The following RASA2 variants were observed in gnomAD, a reference collection of about 807,000 sequenced individuals.
The protein encoded by RASA2 is RAS p21 protein activator 2.
In RASA2, 155 loss-of-function variants were observed where a neutral mutation model predicts 118.2. The observed-to-expected ratio is 1.31, with a 90% CI of 1.15 to 1.50. RASA2 has a LOEUF of 1.50. Ranked by LOEUF, RASA2 falls within the 40% of genes most tolerant of loss-of-function variation. The pLI is 0.00. For missense variants in RASA2, 1,016 were observed against 1,009.6 expected (o/e 1.01, Z -0.09); for synonymous variants, 353 against 349.1 (o/e 1.01, Z -0.12).
chr3:141,606,156 A>G (rs2083545381), intron 19 of RASA2, among the ~76,000 whole-genome samples: 1 of 151,856 alleles, frequency 6.6e-6, no homozygotes, highest in Non-Finnish European at 1.5e-5. Flanking sequence ...TCTGGCTTGA[A>G]ACTCTTCCTT....
intron 3 of RASA2, among the ~76,000 whole-genome samples, chr3:141,520,810 T>C (rs949210256): frequency 6.6e-6 from 1 of 152,136 alleles, no homozygotes; most frequent in Admixed American, 6.6e-5. Context: ...GTTGTTGATT[T>C]GGAATAGGGA....
At chr3:141,579,565 G>A (rs1274429022) in intron 15 of RASA2, 5 of 152,138 alleles carry the variant, frequency 3.3e-5, no homozygotes, top group African/African-American at 9.7e-5. Context: ...GGTGAAAAGA[G>A]TTAATTGCAA....
At chr3:141,529,904 T>C in intron 4 of RASA2, 102 bp downstream of exon 4, 1 of 845,654 alleles carries the variant, frequency 1.2e-6, no homozygotes, top group Non-Finnish European at 1.8e-6. Context: ...TTATACCTTA[T>C]TTTAAATTCT....
intron 3 of RASA2, among the ~76,000 whole-genome samples, chr3:141,526,762 A>G (rs1203042456): frequency 1.3e-5 from 2 of 152,230 alleles, no homozygotes; most frequent in African/African-American, 4.8e-5. Context: ...CAATAAAATT[A>G]CAGATTATTC....
intron 1 of RASA2, among the ~76,000 whole-genome samples, chr3:141,507,617 C>G (rs1052188060): frequency 2.3e-4 from 35 of 152,342 alleles, no homozygotes; most frequent in African/African-American, 7.9e-4. Flanking sequence ...GTTGTTGTTG[C>G]TGGCCCTAGA....
At chr3:141,544,910 C>T (rs971872970) in intron 5 of RASA2, among the ~76,000 whole-genome samples, 12 of 152,116 alleles carry the variant, frequency 7.9e-5, no homozygotes, top group Non-Finnish European at 1.5e-4. Flanking sequence ...AAATACTGCA[C>T]GTGCTCACTT....
At chr3:141,597,750 C>G (rs1464908189) in intron 19 of RASA2, among the ~76,000 whole-genome samples, 1 of 151,654 alleles carries the variant, frequency 6.6e-6, no homozygotes, top group Non-Finnish European at 1.5e-5. Flanking sequence ...AGAGTACAAT[C>G]AGTGAAATAG....
At chr3:141,513,109 A>G (rs780748750) in intron 2 of RASA2, among the ~76,000 whole-genome samples, 3 of 150,506 alleles carry the variant, frequency 2.0e-5, no homozygotes, top group Non-Finnish European at 3.0e-5. Flanking sequence ...GGTGTGGGGT[A>G]TTATTGGAAT....
At chr3:141,597,820 C>G (rs1031943996) in intron 19 of RASA2, among the ~76,000 whole-genome samples, 22 of 151,328 alleles carry the variant, frequency 1.5e-4, no homozygotes, top group African/African-American at 5.1e-4. Context: ...TGAAAAATGC[C>G]TAGAAAGACT....
intron 20 of RASA2, among the ~76,000 whole-genome samples, 172 bp downstream of exon 20, chr3:141,607,932 G>A (rs1203495656): frequency 6.6e-6 from 1 of 152,090 alleles, no homozygotes; most frequent in East Asian, 1.9e-4. Flanking sequence ...ATCATTAATA[G>A]TTCATAAATA....
intron 8 of RASA2, 38 bp from the exon 9 acceptor site, chr3:141,559,856 A>AT: frequency 1.3e-6 from 2 of 1,544,598 alleles, no homozygotes; most frequent in Non-Finnish European, 1.8e-6. Context: ...TCTCTTAAAC[A>AT]TTGTTTGCAA....
chr3:141,557,997 A>T (rs1193803679), intron 7 of RASA2, among the ~76,000 whole-genome samples: 1 of 152,198 alleles, frequency 6.6e-6, no homozygotes, highest in Non-Finnish European at 1.5e-5. Flanking sequence ...AGTGATAGTT[A>T]TTGACCAACA....
intron 2 of RASA2, among the ~76,000 whole-genome samples, 172 bp from the exon 3 acceptor site, chr3:141,516,156 A>ATATATATATTTTATTATACTTT (rs2082021665): frequency 3.3e-5 from 5 of 151,712 alleles, no homozygotes; most frequent in Admixed American, 3.3e-4. Context: ...CATATGTAAC[A>ATATATATATTTTATTATACTTT]AAGCTGCACG....
intron 1 of RASA2, among the ~76,000 whole-genome samples, chr3:141,490,596 G>A (rs1235253873): frequency 2.0e-5 from 3 of 152,176 alleles, no homozygotes; most frequent in Non-Finnish European, 4.4e-5. Context: ...TGAATTTTCA[G>A]ATGTGTGGTA....
chr3:141,559,091 A>T (rs73869667), intron 8 of RASA2, 129 bp downstream of exon 8: 10 of 621,720 alleles, frequency 1.6e-5, no homozygotes, highest in Non-Finnish European at 2.5e-5. Flanking sequence ...ACTTAGAGGA[A>T]TATGCAACTA....
At chr3:141,570,741 A>G (rs2082904774) in intron 9 of RASA2, among the ~76,000 whole-genome samples, 171 bp from the exon 10 acceptor site, 1 of 152,242 alleles carries the variant, frequency 6.6e-6, no homozygotes, top group East Asian at 1.9e-4. Context: ...AATCCAATGT[A>G]TAACCAATAT....
At position 141,614,293 on chromosome 3, in the gene RASA2, C is replaced by A. The variant is rs1165201414; in HGVS notation, c.*1980C>A. The A allele has an allele frequency of 7.2e-5, 11 of 152,164 alleles. No homozygotes were observed. Among genetic ancestry groups the A allele is most frequent in the Admixed American group, 7.2e-4 (11 of 15,268 alleles). The allele number at this position is 152,164 out of a possible 1,614,324, so 9.4% of individuals were successfully genotyped here. On this transcript the variant is annotated 3_prime_UTR_variant, in exon 24 of 24. Coordinates refer to ENST00000286364, the MANE Select transcript of RASA2 (RefSeq NM_006506.5). ...GAGAGTTCAGCCATCTAGTTCTTTT[C>A]TTCACATGACACTTTTAAACAGCCA...
chr3:141,611,945 C>T (rs1214779135), intron 23 of RASA2, among the ~76,000 whole-genome samples: 1 of 152,186 alleles, frequency 6.6e-6, no homozygotes, highest in Non-Finnish European at 1.5e-5. Flanking sequence ...TACCCATACA[C>T]ACCATACCAC....
chr3:141,533,916 T>C (rs2082292698), intron 4 of RASA2, among the ~76,000 whole-genome samples: 1 of 152,220 alleles, frequency 6.6e-6, no homozygotes, highest in African/African-American at 2.4e-5. Context: ...CTAGTGGACA[T>C]TTTTCAGTCC....
Sources: allele counts gnomAD v4.1 joint callset (sites outside exome capture counted in the v4.1 genomes callset), GRCh38; gene constraint gnomAD v4.1.1; transcripts MANE v1.5; gene names NCBI Gene and HGNC (gene_info 2026-07-23, HGNC 2026-07-21).